Variants in NFIA observed in about 807,000 individuals in gnomAD.
NFIA encodes the protein nuclear factor 1 A-type.
In NFIA, 8 loss-of-function variants were observed where a neutral mutation model predicts 62.8. That is an observed-to-expected ratio of 0.13 (90% CI 0.07 to 0.23). The LOEUF (loss-of-function observed/expected upper bound fraction) is 0.23, where lower values mean the gene tolerates loss of function less well. NFIA is among the 10% of genes least tolerant of loss of function. The pLI is 1.00. For missense variants in NFIA, 410 were observed against 642.1 expected (o/e 0.64, Z 3.91); for synonymous variants, 235 against 238.1 (o/e 0.99, Z 0.12).
At chr1:61,313,541 A>G (rs774170226) in intron 3 of NFIA, among the ~76,000 whole-genome samples, 1 of 152,128 alleles carries the variant, frequency 6.6e-6, no homozygotes, top group East Asian at 1.9e-4. Flanking sequence ...CCATGATTCA[A>G]TCACCTCCCA....
At chr1:61,413,329 A>G (rs533307103) in intron 9 of NFIA, among the ~76,000 whole-genome samples, 129 of 152,314 alleles carry the variant, frequency 8.5e-4, no homozygotes, top group African/African-American at 3.0e-3. Context: ...CATGTGTTCA[A>G]TGCTTTTTGG....
intron 2 of NFIA, among the ~76,000 whole-genome samples, chr1:61,183,702 G>A (rs930582458): frequency 1.3e-5 from 2 of 152,184 alleles, no homozygotes; most frequent in African/African-American, 2.4e-5. Flanking sequence ...TTTAGCCAGA[G>A]GCAAATATTT....
Position 61,113,596 on chromosome 1 carries a change from G to GAAA in NFIA, c.559+24934_559+24936dup, listed in dbSNP as rs376543670. On this transcript the variant is annotated intron_variant, in intron 2 of 10. Transcript: ENST00000403491. ...GCAACAAGAGTGAAACTCCATCTCA[G>GAAA]AAAAAAAAAAAAAAAAAAAAGAGAA... Among the ~76,000 whole-genome samples, 523 of 105,258 alleles carry GAAA rather than the reference G, an allele frequency of 5.0e-3. 15 individuals are homozygous for GAAA. Among genetic ancestry groups the GAAA allele is most frequent in the East Asian group, 0.016 (53 of 3,412 alleles). The allele number at this position is 105,258 out of a possible 152,430, so 69.1% of individuals were successfully genotyped here. A position where few individuals can be genotyped will look rare whatever the true frequency, so the allele number is the denominator to read the frequency against.
At chr1:61,227,139 A>G (rs1284565616) in intron 2 of NFIA, among the ~76,000 whole-genome samples, 1 of 152,210 alleles carries the variant, frequency 6.6e-6, no homozygotes, top group African/African-American at 2.4e-5. Context: ...TGCCATAGAC[A>G]GACACTTTGA....
intron 4 of NFIA, among the ~76,000 whole-genome samples, chr1:61,347,034 A>G (rs1213658258): frequency 6.6e-6 from 1 of 152,136 alleles, no homozygotes; most frequent in African/African-American, 2.4e-5. Flanking sequence ...CACCCTTGAC[A>G]TGTGGAAATT....
chr1:61,301,781 A>G (rs1446282768), intron 3 of NFIA, among the ~76,000 whole-genome samples: 2 of 152,202 alleles, frequency 1.3e-5, no homozygotes, highest in African/African-American at 4.8e-5. Flanking sequence ...GAAATGATTG[A>G]CATCAGATTC....
chr1:61,416,933 C>G (rs563586392), intron 9 of NFIA, among the ~76,000 whole-genome samples: 1 of 151,836 alleles, frequency 6.6e-6, no homozygotes, highest in Non-Finnish European at 1.5e-5. Flanking sequence ...TTTTACATTA[C>G]GTCAAGAATA....
intron 2 of NFIA, among the ~76,000 whole-genome samples, chr1:61,177,063 A>G (rs554151351): frequency 1.3e-5 from 2 of 151,958 alleles, no homozygotes; most frequent in South Asian, 2.1e-4. Context: ...CCAAGATCGC[A>G]CCACTGCACT....
intron 4 of NFIA, among the ~76,000 whole-genome samples, chr1:61,337,958 G>A (rs1398683537): frequency 6.6e-6 from 1 of 152,172 alleles, no homozygotes; most frequent in African/African-American, 2.4e-5. Flanking sequence ...TTTACTTGAA[G>A]TTGGTGGAGT....
intron 2 of NFIA, among the ~76,000 whole-genome samples, chr1:61,112,552 C>G (rs1344562071): frequency 6.6e-6 from 1 of 152,020 alleles, no homozygotes; most frequent in Non-Finnish European, 1.5e-5. Flanking sequence ...TTGTAATTGT[C>G]TTTTTGTTGT....
intron 2 of NFIA, among the ~76,000 whole-genome samples, chr1:61,128,620 G>T (rs940516277): frequency 5.9e-5 from 9 of 152,028 alleles, no homozygotes; most frequent in Non-Finnish European, 1.3e-4. Flanking sequence ...CCTTTATTAT[G>T]TTTGACATTT....
At chr1:61,335,395 G>A (rs774841633) in intron 4 of NFIA, among the ~76,000 whole-genome samples, 12 of 152,164 alleles carry the variant, frequency 7.9e-5, no homozygotes, top group Admixed American at 2.0e-4. Flanking sequence ...CACTCAAGCC[G>A]CATGCTGGAG....
Position 61,406,546 on chromosome 1 carries a change from C to T in NFIA, c.1255-16C>T, listed in dbSNP as rs777479131. 7.4e-5 allele frequency: 43 copies of T among 581,884 alleles called. 1 individual carries two copies. In the Middle Eastern group the frequency reaches 1.1e-3, roughly 15 times the overall value. The allele number at this position is 581,884 out of a possible 1,614,324, so 36.0% of individuals were successfully genotyped here. A position where few individuals can be genotyped will look rare whatever the true frequency, so the allele number is the denominator to read the frequency against. On this transcript the variant is annotated splice_polypyrimidine_tract_variant and intron_variant, in intron 8 of 10. Coordinates refer to ENST00000403491, the MANE Select transcript of NFIA (RefSeq NM_001134673.4). ...TTTTCTTGTACGTGTGTTTTCTGCC[C>T]CCCCCCCCCCCACAGCCCAATGGGA... is the stretch of plus-strand genomic sequence containing the variant.
intron 3 of NFIA, among the ~76,000 whole-genome samples, chr1:61,310,864 C>T (rs1392052611): frequency 6.6e-6 from 1 of 151,210 alleles, no homozygotes; most frequent in Non-Finnish European, 1.5e-5. Context: ...GCTTTTGTTG[C>T]CCCTGGCACA....
At chr1:61,216,502 T>C (rs1461897824) in intron 2 of NFIA, among the ~76,000 whole-genome samples, 1 of 152,202 alleles carries the variant, frequency 6.6e-6, no homozygotes, top group African/African-American at 2.4e-5. Context: ...AATGAGAATG[T>C]TTCACTGTTT....
At chr1:61,441,086 T>TGAAAC (rs1667551852) in intron 10 of NFIA, among the ~76,000 whole-genome samples, 1 of 152,156 alleles carries the variant, frequency 6.6e-6, no homozygotes, top group African/African-American at 2.4e-5. Flanking sequence ...AGGACTGAAA[T>TGAAAC]GCAGGGACCT....
At chr1:61,424,349 CT>C (rs1027395583) in intron 9 of NFIA, among the ~76,000 whole-genome samples, 7 of 151,938 alleles carry the variant, frequency 4.6e-5, no homozygotes, top group Non-Finnish European at 7.4e-5. Context: ...ACACCCCCCC[CT>C]CAACCCCCAG....
chr1:61,290,735 T>G (rs1415803377), intron 3 of NFIA, among the ~76,000 whole-genome samples: 2 of 152,196 alleles, frequency 1.3e-5, no homozygotes, highest in African/African-American at 4.8e-5. Context: ...CAACACAATA[T>G]CATGAAAGGC....
chr1:61,188,282 C>T (rs1182411873), intron 2 of NFIA, among the ~76,000 whole-genome samples: 1 of 151,890 alleles, frequency 6.6e-6, no homozygotes, highest in African/African-American at 2.4e-5. Flanking sequence ...ACATGACCAT[C>T]TTTAGATTTC....
Sources: allele counts gnomAD v4.1 joint callset (sites outside exome capture counted in the v4.1 genomes callset), GRCh38; gene constraint gnomAD v4.1.1; transcripts MANE v1.5; gene names NCBI Gene and HGNC (gene_info 2026-07-23, HGNC 2026-07-21).